Variants in FSCB observed in about 807,000 individuals in gnomAD.
FSCB encodes the protein fibrous sheath CABYR binding protein, also known as fibrous sheath CABYR-binding protein.
For missense variants in FSCB, 975 were observed against 934.8 expected (o/e 1.04, Z -0.56); for synonymous variants, 331 against 336.6 (o/e 0.98, Z 0.18).
chr14:44,506,083 T>C lies in FSCB; in HGVS notation c.905A>G (p.Asp302Gly), dbSNP rs780269403. 2.5e-6 allele frequency: 4 copies of C among 1,614,142 alleles called. No homozygotes were observed. The highest frequency in any genetic ancestry group is 3.4e-6 in the Non-Finnish European group (4 of 1,180,024). The change falls in exon 1 of 1, where the codon GAT (aspartate) becomes GGT (glycine). Residue 302 changes from aspartate (D) to glycine (G), a missense_variant. Asp to Gly is a moderately conservative substitution (Grantham distance 94). Transcript: ENST00000340446. ...QVQPSTEETP[D>G]AEAATAVAEN... ...CGCAACTGCAGTGGCTGCCTCAGCA[T>C]CAGGAGTCTCTTCAGTTGATGGCTG...
At position 44,506,717 on chromosome 14, in the gene FSCB, T is replaced by C; in HGVS notation, c.271A>G (p.Thr91Ala). The change falls in exon 1 of 1, where the codon ACC (threonine) becomes GCC (alanine). Residue 91 changes from threonine (T) to alanine (A), a missense_variant. Transcript: ENST00000340446. ...GCTGACTTTTCTTCAGGTACCACGG[T>C]TTCCTCAACTAACTTGACTTCTTTT... ...EKKEVKLVEE[T>A]VVPEEKSADV... 3 of 1,614,178 alleles carry C rather than the reference T, an allele frequency of 1.9e-6. No individual in the cohort carries two copies. Among genetic ancestry groups the C allele is most frequent in the Non-Finnish European group, 1.7e-6 (2 of 1,180,018 alleles).
Position 44,505,375 on chromosome 14 carries a change from G to A in FSCB, c.1613C>T (p.Thr538Ile). The part of the protein sequence containing the change: ...LAAIEAPADE[T>I]PAEAQSPLSE... ...TAGTGGAGACTGAGCTTCAGCAGGA[G>A]TTTCATCTGCAGGAGCCTCTATAGC... Residue 538 changes from threonine (T) to isoleucine (I), a missense_variant, in exon 1 of 1, where the codon ACT becomes ATT. Transcript: ENST00000340446. The A allele has an allele frequency of 6.2e-7, 1 of 1,612,706 alleles. No individual in the cohort carries two copies. Among genetic ancestry groups the A allele is most frequent in the Non-Finnish European group, 8.5e-7 (1 of 1,179,972 alleles).
Position 44,506,627 on chromosome 14 carries a change from T to C in FSCB, c.361A>G (p.Ile121Val), listed in dbSNP as rs369591164. ...SVQDVEIPPN[I>V]PSVQLKMDRS... ...TCCATTTTTAGTTGAACTGAAGGTATGTTTGGTGGAATTTCTACATCCTGA... is the reference window on the plus strand; with the variant it reads ...TCCATTTTTAGTTGAACTGAAGGTACGTTTGGTGGAATTTCTACATCCTGA... The change falls in exon 1 of 1, where the codon ATA becomes GTA. Residue 121 changes from isoleucine to valine, a missense_variant. By Grantham distance (29) the Ile-to-Val change is conservative (BLOSUM62 3). Coordinates refer to ENST00000340446, the MANE Select transcript of FSCB (RefSeq NM_032135.4). 9.9e-6 allele frequency: 16 copies of C among 1,614,044 alleles called. No homozygotes were observed. In the African/African-American group the frequency reaches 1.5e-4, roughly 15 times the overall value.
rs750731996 is a variant in FSCB at position 44,504,651 on chromosome 14, T to G, written c.2337A>C (p.Glu779Asp). Residue 779 changes from glutamate to aspartate, a missense_variant, in exon 1 of 1, where the codon GAA becomes GAC. Glu to Asp is a conservative substitution (Grantham distance 45). Coordinates refer to ENST00000340446, the MANE Select transcript of FSCB (RefSeq NM_032135.4). Reference sequence around the variant, plus strand: ...AAACCTCTTCAAATTTTGCTTCACCTTCCAAAACAACCGATCCTAATTTTA... The same window carrying G: ...AAACCTCTTCAAATTTTGCTTCACCGTCCAAAACAACCGATCCTAATTTTA... ...PAVKLGSVVL[E>D]GEAKFEEVSK... 9 of 1,614,184 alleles carry G rather than the reference T, an allele frequency of 5.6e-6. No individual in the cohort carries two copies. Among genetic ancestry groups the G allele is most frequent in the Non-Finnish European group, 7.6e-6 (9 of 1,180,038 alleles).
Position 44,504,566 on chromosome 14 carries a change from G to A in FSCB, c.2422C>T (p.Leu808Phe). The A allele has an allele frequency of 6.2e-7, 1 of 1,613,742 alleles. No homozygotes were observed. The change falls in exon 1 of 1, where the codon CTT becomes TTT. Residue 808 changes from leucine (L) to phenylalanine (F), a missense_variant. Physicochemically the swap from Leu to Phe is conservative, Grantham distance 22. Coordinates refer to ENST00000340446, the MANE Select transcript of FSCB (RefSeq NM_032135.4). ...SNTNDGQAPT[L>F]EIESVFHIEL... Reference sequence around the variant, plus strand: ...ATATGAAAAACACTTTCTATTTCAAGAGTGGGAGCCTGTCCATCATTGGTA... The same window carrying A: ...ATATGAAAAACACTTTCTATTTCAAAAGTGGGAGCCTGTCCATCATTGGTA...
chr14:44,506,159 C>A lies in FSCB; in HGVS notation c.829G>T (p.Ala277Ser). The A allele has an allele frequency of 1.2e-6, 2 of 1,614,156 alleles. No individual in the cohort carries two copies. The highest frequency in any genetic ancestry group is 1.7e-6 in the Non-Finnish European group (2 of 1,180,032). Residue 277 changes from alanine (A) to serine (S), a missense_variant, in exon 1 of 1, where the codon GCC becomes TCC. By Grantham distance (99) the Ala-to-Ser change is moderately conservative. Transcript: ENST00000340446. ...AKIQPPLVEE[A>S]TAKAEPRPAE... is the part of the protein sequence containing the mutation. ...GGTCTGGGCTCCGCTTTAGCAGTGG[C>A]CTCTTCAACTAATGGAGGCTGTATT...
In FSCB at chr14:44,505,729, G is replaced by T. The variant is rs750855827; in HGVS notation, c.1259C>A (p.Thr420Asn). 9 of 1,613,448 alleles carry T rather than the reference G, an allele frequency of 5.6e-6. No homozygotes were observed. Among genetic ancestry groups the T allele is most frequent in the Non-Finnish European group, 7.6e-6 (9 of 1,179,938 alleles). Reference protein sequence around the residue: ...AKVEPPTVEETLADVQPLLPE... With the variant: ...AKVEPPTVEENLADVQPLLPE... ...TAATAGAGGCTGAACATCAGCAAGG[G>T]TCTCTTCAACAGTGGGAGGCTCTAC... Residue 420 changes from threonine (T) to asparagine (N), a missense_variant, in exon 1 of 1, where the codon ACC becomes AAC. Transcript: ENST00000340446.
In FSCB at chr14:44,505,426, G is replaced by A. The variant is rs748781019; in HGVS notation, c.1562C>T (p.Ala521Val). 7 of 1,612,254 alleles carry A rather than the reference G, an allele frequency of 4.3e-6. No individual in the cohort carries two copies. Among genetic ancestry groups the A allele is most frequent in the South Asian group, 2.2e-5 (2 of 90,988 alleles). The change falls in exon 1 of 1, where the codon GCC becomes GTC. Residue 521 changes from alanine (A) to valine (V), a missense_variant. Physicochemically the swap from Ala to Val is moderately conservative, Grantham distance 64. Coordinates refer to ENST00000340446, the MANE Select transcript of FSCB (RefSeq NM_032135.4). ...TGCTAGAAGCTGAATTTCAGCAGAG[G>A]CCTCTTCTGCAGTGGTCTCTTCAGC... ...PLAEETTAEE[A>V]SAEIQLLAAI...
chr14:44,504,903 G>A lies in FSCB; in HGVS notation c.2085C>T (p.Thr695=), dbSNP rs567645072. The change falls in exon 1 of 1, where the codon ACC becomes ACT. Residue 695 remains threonine, a synonymous_variant. Coordinates refer to ENST00000340446, the MANE Select transcript of FSCB (RefSeq NM_032135.4). ...CTGGGGGAGAGTGTACTGCAGCAAG[G>A]GTCTCTTCTATAGGAGTCTCCTCAG... ...LPAEETPIEE[T]LAAVHSPPAD... The A allele has an allele frequency of 2.0e-5, 33 of 1,613,876 alleles. No homozygotes were observed. The Admixed American group carries it at 2.8e-4, about 14-fold the overall frequency.
chr14:44,507,071 C>A lies in FSCB; in HGVS notation c.-84G>T. The A allele has an allele frequency of 9.6e-7, 1 of 1,036,760 alleles. No individual in the cohort carries two copies. The highest frequency in any genetic ancestry group is 2.5e-5 in the East Asian group (1 of 40,700). The allele number at this position is 1,036,760 out of a possible 1,614,324, so 64.2% of individuals were successfully genotyped here. On this transcript the variant is annotated 5_prime_UTR_variant, in exon 1 of 1. Coordinates refer to ENST00000340446, the MANE Select transcript of FSCB (RefSeq NM_032135.4). Reference sequence around the variant, plus strand: ...TTAGAGTCATCACTTTCTTCCATTTCTAAGAGTAGTGATTTCAAACTTATT... The same window carrying A: ...TTAGAGTCATCACTTTCTTCCATTTATAAGAGTAGTGATTTCAAACTTATT...
rs1881008032 is a variant in FSCB, at chr14:44,504,355, A to T, written c.*155T>A. The T allele has an allele frequency of 4.0e-6, 2 of 505,888 alleles. No individual in the cohort carries two copies. The highest frequency in any genetic ancestry group is 7.0e-6 in the Non-Finnish European group (2 of 284,880). The allele number at this position is 505,888 out of a possible 1,614,324, so 31.3% of individuals were successfully genotyped here. ...AACACAAGTAATTTTATGCTGCTAC[A>T]GTTTTTATTGTTCATTTTCCAACCT... On this transcript the variant is annotated 3_prime_UTR_variant, in exon 1 of 1. Coordinates refer to ENST00000340446, the MANE Select transcript of FSCB (RefSeq NM_032135.4).
chr14:44,506,489 TA>T, the FSCB span: 1 of 1,614,216 alleles, frequency 6.2e-7, no homozygotes, highest in South Asian at 1.1e-5. Context: ...GGCCTGGAAA[TA>T]ACCACTATTT....
chr14:44,506,207 A>T lies in FSCB; in HGVS notation c.781T>A (p.Ser261Thr), dbSNP rs1274282657. 1.2e-6 allele frequency: 2 copies of T among 1,614,036 alleles called. No homozygotes were observed. Among genetic ancestry groups the T allele is most frequent in the South Asian group, 1.1e-5 (1 of 91,086 alleles). ...ATTTTAGCTGGGAATTTTTCTGTTG[A>T]TGGAGGCTCTATTTCAGCAGAAGCC... ...KVASAEIEPP[S>T]TEKFPAKIQP... Residue 261 changes from serine (S) to threonine (T), a missense_variant, in exon 1 of 1, where the codon TCA becomes ACA. Ser to Thr is a moderately conservative substitution (Grantham distance 58, BLOSUM62 1). Coordinates refer to ENST00000340446, the MANE Select transcript of FSCB (RefSeq NM_032135.4).
At chr14:44,506,369 C>A in the FSCB span, 1 of 1,614,142 alleles carries the variant, frequency 6.2e-7, no homozygotes, top group Non-Finnish European at 8.5e-7. Context: ...TGCCCAATTT[C>A]TTCATTGCTG....
chr14:44,507,014 G>T lies in FSCB; in HGVS notation c.-27C>A. 6.6e-7 allele frequency: 1 copy of T among 1,524,240 alleles called. No homozygotes were observed. The highest frequency in any genetic ancestry group is 8.9e-7 in the Non-Finnish European group (1 of 1,127,492). 94.4% of individuals were successfully genotyped at this position (1,524,240 alleles called of 1,614,324 possible). The stretch of plus-strand genomic sequence containing the variant: ...GGTTTGCTGGGTCATCTTCTCTTTC[G>T]AATTTCTTGCCTACACGCTGAGATA... On this transcript the variant is annotated 5_prime_UTR_variant, in exon 1 of 1. Transcript: ENST00000340446.
In FSCB at chr14:44,505,777, G is replaced by A. The variant is rs1231089665; in HGVS notation, c.1211C>T (p.Ala404Val). The change falls in exon 1 of 1, where the codon GCC becomes GTC. Residue 404 changes from alanine (A) to valine (V), a missense_variant. Ala to Val is a moderately conservative substitution (Grantham distance 64). Transcript: ENST00000340446. ...IEVQPLPAEG[A>V]LEEAPAKVEP... The stretch of plus-strand genomic sequence containing the variant: ...TACTTTAGCTGGGGCCTCTTCAAGG[G>A]CGCCCTCAGCTGGTAAAGGCTGTAC... 1 of 1,613,986 alleles carries A rather than the reference G, an allele frequency of 6.2e-7. No homozygotes were observed. The highest frequency in any genetic ancestry group is 8.5e-7 in the Non-Finnish European group (1 of 1,179,980).
At position 44,504,746 on chromosome 14, in the gene FSCB, C is replaced by G. The variant is rs369937459; in HGVS notation, c.2242G>C (p.Glu748Gln). The change falls in exon 1 of 1, where the codon GAA becomes CAA. Residue 748 changes from glutamate (E) to glutamine (Q), a missense_variant. Physicochemically the swap from Glu to Gln is conservative, Grantham distance 29. Transcript: ENST00000340446. Reference protein sequence around the residue: ...VSPPPSEQTPEDEALVENVST... With the variant: ...VSPPPSEQTPQDEALVENVST... ...ACATTCTCTACCAGAGCCTCATCTT[C>G]AGGGGTTTGTTCAGATGGTGGAGGT... The G allele has an allele frequency of 6.2e-7, 1 of 1,614,052 alleles. No individual in the cohort carries two copies. The highest frequency in any genetic ancestry group is 1.3e-5 in the African/African-American group (1 of 74,924).
At position 44,507,134 on chromosome 14, in the gene FSCB, A is replaced by G. The variant is rs1594611679; in HGVS notation, c.-147T>C. Reference sequence around the variant, plus strand: ...ATGACCAAAAATCACAAACGTACCAAGTGTCAAAGACTTTCCCTTTCTTAG... The same window carrying G: ...ATGACCAAAAATCACAAACGTACCAGGTGTCAAAGACTTTCCCTTTCTTAG... On this transcript the variant is annotated 5_prime_UTR_variant, in exon 1 of 1. Coordinates refer to ENST00000340446, the MANE Select transcript of FSCB (RefSeq NM_032135.4). The G allele has an allele frequency of 3.0e-6, 2 of 661,778 alleles. No homozygotes were observed. Among genetic ancestry groups the G allele is most frequent in the Non-Finnish European group, 5.2e-6 (2 of 385,028 alleles). 41.0% of individuals were successfully genotyped at this position (661,778 alleles called of 1,614,324 possible). A position where few individuals can be genotyped will look rare whatever the true frequency, so the allele number is the denominator to read the frequency against.
At chr14:44,504,677 CT>C in the FSCB span, 21 of 1,614,054 alleles carry the variant, frequency 1.3e-5, no homozygotes, top group Non-Finnish European at 1.7e-5. Flanking sequence ...CCTAATTTTA[CT>C]GCTGGAATTC....
Sources: allele counts gnomAD v4.1 joint callset, GRCh38; gene constraint gnomAD v4.1.1; transcripts MANE v1.5; gene names NCBI Gene and HGNC (gene_info 2026-07-23, HGNC 2026-07-21).